Variants in CPQ observed in about 807,000 individuals in gnomAD.
CPQ encodes carboxypeptidase Q, also known as Ser-Met dipeptidase.
Under a neutral mutation model 45.7 loss-of-function variants are expected in CPQ, and 37 were observed. The ratio of observed to expected loss-of-function variants is 0.81; its 90% confidence interval spans 0.62 to 1.07. The LOEUF (loss-of-function observed/expected upper bound fraction) is 1.07. Among genes scored for constraint, CPQ ranks in the 50% least tolerant of loss-of-function variants. The pLI is 0.00. For missense variants in CPQ, 537 were observed against 572.9 expected (o/e 0.94, Z 0.64); for synonymous variants, 186 against 205.8 (o/e 0.90, Z 0.82).
chr8:96,748,071 A>G (rs946646283), intron 1 of CPQ, among the ~76,000 whole-genome samples: 2 of 152,188 alleles, frequency 1.3e-5, no homozygotes, highest in African/African-American at 4.8e-5. Context: ...ATGACAATAT[A>G]CTATTTTCAT....
chr8:96,974,250 T>A (rs1025417054), intron 5 of CPQ, among the ~76,000 whole-genome samples: 1 of 151,910 alleles, frequency 6.6e-6, no homozygotes. Context: ...AAACTTTAAA[T>A]CAACAGCAGT....
chr8:96,981,365 T>C (rs1414682029), intron 5 of CPQ, among the ~76,000 whole-genome samples: 5 of 152,226 alleles, frequency 3.3e-5, no homozygotes, highest in South Asian at 4.1e-4. Flanking sequence ...TGTGGGAAAA[T>C]AGAAGTCAGG....
intron 1 of CPQ, among the ~76,000 whole-genome samples, chr8:96,728,433 T>C (rs1042386039): frequency 4.6e-5 from 7 of 152,100 alleles, no homozygotes; most frequent in African/African-American, 1.7e-4. Context: ...CCTACTCTTG[T>C]CCTAATGGAT....
intron 3 of CPQ, among the ~76,000 whole-genome samples, chr8:96,841,226 C>G (rs925829839): frequency 4.6e-5 from 7 of 152,032 alleles, no homozygotes; most frequent in Non-Finnish European, 7.4e-5. Context: ...TAAGATAGTC[C>G]CATTAATCTG....
chr8:97,109,514 G>A (rs996344258), intron 7 of CPQ, among the ~76,000 whole-genome samples: 2 of 152,064 alleles, frequency 1.3e-5, no homozygotes, highest in African/African-American at 4.8e-5. Context: ...TCCTGACCCA[G>A]AAGGTTCCCC....
chr8:97,130,891 G>T (rs562600431), intron 7 of CPQ, among the ~76,000 whole-genome samples: 73 of 143,602 alleles, frequency 5.1e-4, no homozygotes, highest in Non-Finnish European at 9.4e-4. Context: ...ATTTTAGAAG[G>T]TTTTGTGTCA....
intron 1 of CPQ, among the ~76,000 whole-genome samples, chr8:96,763,118 A>T (rs1016173404): frequency 1.3e-5 from 2 of 152,034 alleles, no homozygotes; most frequent in African/African-American, 4.8e-5. Context: ...TCCTCTTCTT[A>T]TAAAGACATC....
At chr8:97,023,511 G>A (rs1809745920) in intron 5 of CPQ, among the ~76,000 whole-genome samples, 1 of 152,182 alleles carries the variant, frequency 6.6e-6, no homozygotes, top group Non-Finnish European at 1.5e-5. Flanking sequence ...CAGAAGCAGA[G>A]GATGAGAGTG....
intron 2 of CPQ, among the ~76,000 whole-genome samples, chr8:96,801,196 C>T (rs972000459): frequency 6.6e-6 from 1 of 152,004 alleles, no homozygotes; most frequent in Non-Finnish European, 1.5e-5. Flanking sequence ...AGGCTGGTCT[C>T]GAACTCCCGA....
At chr8:96,964,604 C>T (rs908759567) in intron 4 of CPQ, among the ~76,000 whole-genome samples, 3 of 151,624 alleles carry the variant, frequency 2.0e-5, no homozygotes, top group African/African-American at 7.3e-5. Context: ...TGATGACTAG[C>T]TTTCCTAGTT....
At position 96,793,698 on chromosome 8, in the gene CPQ, C is replaced by T. The variant is rs189360169; in HGVS notation, c.433+8368C>T. Among the ~76,000 whole-genome samples the T allele has an allele frequency of 4.7e-4, 72 of 152,310 alleles. 1 individual carries two copies. Among genetic ancestry groups the T allele is most frequent in the African/African-American group, 1.7e-3 (72 of 41,564 alleles). On this transcript the variant is annotated intron_variant, in intron 2 of 7. Transcript: ENST00000220763. ...CCACAGTCCAAAGTCTCATCCGAGA[C>T]AAGGCAAGTCCTGTCCACTTATAAG... is the stretch of plus-strand genomic sequence containing the variant.
At chr8:96,942,222 A>G (rs967337466) in intron 4 of CPQ, among the ~76,000 whole-genome samples, 3 of 152,190 alleles carry the variant, frequency 2.0e-5, no homozygotes, top group Non-Finnish European at 2.9e-5. Context: ...CAATTATTTG[A>G]TATTTTACCA....
At chr8:96,667,241 A>G (rs1463313566) in intron 1 of CPQ, among the ~76,000 whole-genome samples, 1 of 152,198 alleles carries the variant, frequency 6.6e-6, no homozygotes, top group Non-Finnish European at 1.5e-5. Context: ...GGTAGCTTAC[A>G]TAAGAAAATG....
chr8:96,952,340 C>T (rs1352640684), intron 4 of CPQ, among the ~76,000 whole-genome samples: 1 of 151,560 alleles, frequency 6.6e-6, no homozygotes, highest in Non-Finnish European at 1.5e-5. Flanking sequence ...AGAATGTTGG[C>T]CACAATCTCC....
chr8:96,964,079 A>G (rs1813510356), intron 4 of CPQ, among the ~76,000 whole-genome samples: 1 of 144,194 alleles, frequency 6.9e-6, no homozygotes, highest in Non-Finnish European at 1.5e-5. Context: ...CAGACATTTC[A>G]TGAGTTTTCT....
At chr8:96,797,198 T>A (rs1810942373) in intron 2 of CPQ, among the ~76,000 whole-genome samples, 1 of 152,196 alleles carries the variant, frequency 6.6e-6, no homozygotes, top group Non-Finnish European at 1.5e-5. Flanking sequence ...TTCCAGATCT[T>A]GTTCAAGTGC....
intron 1 of CPQ, among the ~76,000 whole-genome samples, chr8:96,680,136 A>G (rs1425810967): frequency 6.6e-6 from 1 of 152,206 alleles, no homozygotes; most frequent in Non-Finnish European, 1.5e-5. Context: ...ATTTGTTTCC[A>G]GAAATATTTT....
chr8:96,703,934 G>A (rs1809500557), intron 1 of CPQ, among the ~76,000 whole-genome samples: 2 of 152,160 alleles, frequency 1.3e-5, no homozygotes, highest in African/African-American at 4.8e-5. Flanking sequence ...TTGAAGACGT[G>A]CTGGTGATAT....
chr8:96,893,080 C>T (rs957410434), intron 4 of CPQ, among the ~76,000 whole-genome samples: 2 of 152,172 alleles, frequency 1.3e-5, no homozygotes, highest in African/African-American at 2.4e-5. Flanking sequence ...ATCCATATAA[C>T]AGATGAAGAA....
Sources: allele counts gnomAD v4.1 joint callset (sites outside exome capture counted in the v4.1 genomes callset), GRCh38; gene constraint gnomAD v4.1.1; transcripts MANE v1.5; gene names NCBI Gene and HGNC (gene_info 2026-07-23, HGNC 2026-07-21).